The following NUDT14 variants were observed in gnomAD, a reference collection of about 807,000 sequenced individuals.
NUDT14 encodes the protein uridine diphosphate glucose pyrophosphatase NUDT14.
A neutral mutation model predicts 17.5 loss-of-function variants in NUDT14; 22 were observed. That is an observed-to-expected ratio of 1.26 (90% CI 0.90 to 1.80). The LOEUF (loss-of-function observed/expected upper bound fraction) is 1.80. Ranked by LOEUF, NUDT14 falls within the 40% of genes most tolerant of loss-of-function variation. NUDT14 has a pLI of 0.00. For missense variants in NUDT14, 296 were observed against 295.6 expected (o/e 1.00, Z -0.01); for synonymous variants, 129 against 125.8 (o/e 1.03, Z -0.17).
chr14:105,173,392 G>T lies in NUDT14; in HGVS notation c.429-131C>A. ...CCTCCAGTAGGCAGGACTCTGGGAT[G>T]CCCTCTCCCACCCGGATTCCCACCT... is the stretch of plus-strand genomic sequence containing the variant. On this transcript the variant is annotated intron_variant, in intron 4 of 4. Transcript: ENST00000392568. The surrounding 1 kb of genome is among the most constrained non-coding windows in gnomAD (Gnocchi z 4.7). 1 of 1,079,260 alleles carries T rather than the reference G, an allele frequency of 9.3e-7. No homozygotes were observed. Among genetic ancestry groups the T allele is most frequent in the East Asian group, 3.2e-5 (1 of 31,686 alleles). 66.9% of individuals were successfully genotyped at this position (1,079,260 alleles called of 1,614,324 possible).
chr14:105,174,060 C>A lies in NUDT14; in HGVS notation c.429-799G>T, dbSNP rs751185690. On this transcript the variant is annotated intron_variant, in intron 4 of 4. Coordinates refer to ENST00000392568, the MANE Select transcript of NUDT14 (RefSeq NM_177533.5). ...GAACAGCATGCACTGACCGCCCCCC[C>A]ACCCCCCGTAGCATGGCAGAGTGGG... Among the ~76,000 whole-genome samples the A allele has an allele frequency of 6.6e-5, 10 of 152,172 alleles. No homozygotes were observed. In the South Asian group the frequency reaches 8.3e-4, roughly 13 times the overall value.
chr14:105,178,383 G>A (rs981168456), intron 1 of NUDT14, among the ~76,000 whole-genome samples: 40 of 152,046 alleles, frequency 2.6e-4, no homozygotes, highest in African/African-American at 9.2e-4. Flanking sequence ...TTCTGGCCTC[G>A]ACTCTCCCAC....
chr14:105,181,276 G>T lies in NUDT14; in HGVS notation c.-67C>A, dbSNP rs962636547. 26 of 635,420 alleles carry T rather than the reference G, an allele frequency of 4.1e-5. No homozygotes were observed. The Admixed American group carries it at 1.3e-3, about 32-fold the overall frequency. The allele number at this position is 635,420 out of a possible 1,614,324, so 39.4% of individuals were successfully genotyped here. ...CCGACACGGGGCGGCGCCCTGTCCC[G>T]ACAGGAGCCTTCGGGCGGGCGCGTG... On this transcript the variant is annotated 5_prime_UTR_variant, in exon 1 of 5. Transcript: ENST00000392568. The surrounding 1 kb of genome is among the most constrained non-coding windows in gnomAD (Gnocchi z 5.0).
At chr14:105,177,441 C>T in intron 2 of NUDT14, 1 of 563,744 alleles carries the variant, frequency 1.8e-6, no homozygotes, top group Non-Finnish European at 3.2e-6. Flanking sequence ...GACAGCCTCT[C>T]CCTGCCCTGA....
chr14:105,181,216 G>A lies in NUDT14; in HGVS notation c.-7C>T. 3.6e-6 allele frequency: 4 copies of A among 1,126,606 alleles called. No homozygotes were observed. Among genetic ancestry groups the A allele is most frequent in the South Asian group, 2.9e-5 (1 of 34,110 alleles). The allele number at this position is 1,126,606 out of a possible 1,614,324, so 69.8% of individuals were successfully genotyped here. On this transcript the variant is annotated 5_prime_UTR_variant, in exon 1 of 5. Transcript: ENST00000392568. This position sits in a 1 kb window ranked among gnomAD's most constrained non-coding sequence, Gnocchi z 5.0. The stretch of plus-strand genomic sequence containing the variant: ...CCCCCTCGATGCGCTCCATGGCGGC[G>A]CCCGGACAGGCGGGGGCCGCGAGCT...
intron 2 of NUDT14, 144 bp downstream of exon 2, chr14:105,177,548 G>C: frequency 1.3e-6 from 1 of 750,756 alleles, no homozygotes; most frequent in South Asian, 1.7e-5. Flanking sequence ...GAAACCCAGA[G>C]GCCGGGCAGA....
rs1889315822 is a variant in NUDT14, at chr14:105,181,043, C to T, written c.81+86G>A. On this transcript the variant is annotated intron_variant, in intron 1 of 4. Coordinates refer to ENST00000392568, the MANE Select transcript of NUDT14 (RefSeq NM_177533.5). The surrounding 1 kb of genome is among the most constrained non-coding windows in gnomAD (Gnocchi z 5.0). ...CGGGGGCGGGGCTCCGGGGCGGGGC[C>T]GGCAGCGCGGAAGATGGTGGGCGGG... is the stretch of plus-strand genomic sequence containing the variant. The T allele has an allele frequency of 2.8e-6, 1 of 359,248 alleles. No individual in the cohort carries two copies. Among genetic ancestry groups the T allele is most frequent in the African/African-American group, 2.2e-5 (1 of 44,894 alleles). 22.3% of individuals were successfully genotyped at this position (359,248 alleles called of 1,614,324 possible). A position where few individuals can be genotyped will look rare whatever the true frequency, so the allele number is the denominator to read the frequency against.
chr14:105,176,036 A>G, intron 4 of NUDT14: 1 of 1,215,100 alleles, frequency 8.2e-7, no homozygotes, highest in Admixed American at 3.0e-5. Context: ...TGGGAAGGCA[A>G]CCCCACCCCA....
chr14:105,180,979 G>A (rs1889312974), intron 1 of NUDT14, 150 bp downstream of exon 1: 1 of 203,148 alleles, frequency 4.9e-6, no homozygotes, highest in African/African-American at 2.3e-5. Flanking sequence ...CCGCGATCCG[G>A]CGGGCGGACA....
intron 4 of NUDT14, chr14:105,175,692 G>A (rs1021503671): frequency 2.0e-6 from 2 of 997,522 alleles, no homozygotes; most frequent in African/African-American, 3.5e-5. Flanking sequence ...GAGCCACCGT[G>A]CCTGGCCCAG....
intron 1 of NUDT14, among the ~76,000 whole-genome samples, chr14:105,178,275 T>G (rs1227861004): frequency 2.6e-5 from 4 of 151,668 alleles, no homozygotes; most frequent in Non-Finnish European, 5.9e-5. Flanking sequence ...TGAGGAAGGG[T>G]GGCGCCCCAG....
chr14:105,172,963 G>T lies in NUDT14; in HGVS notation c.*58C>A. The stretch of plus-strand genomic sequence containing the variant: ...CTGGAGCTATGCAAGCCTTTATTGG[G>T]GTCCGCGGGGTGTGGGGTGAGTGGC... On this transcript the variant is annotated 3_prime_UTR_variant, in exon 5 of 5. Coordinates refer to ENST00000392568, the MANE Select transcript of NUDT14 (RefSeq NM_177533.5). 2.8e-6 allele frequency: 4 copies of T among 1,442,952 alleles called. No homozygotes were observed. The highest frequency in any genetic ancestry group is 3.6e-6 in the Non-Finnish European group (4 of 1,096,678). 89.4% of individuals were successfully genotyped at this position (1,442,952 alleles called of 1,614,324 possible). A position where few individuals can be genotyped will look rare whatever the true frequency, so the allele number is the denominator to read the frequency against.
Position 105,176,761 on chromosome 14 carries a change from C to G in NUDT14, c.201G>C (p.Ala67=), listed in dbSNP as rs774451913. The G allele has an allele frequency of 1.9e-6, 3 of 1,612,308 alleles. No homozygotes were observed. The highest frequency in any genetic ancestry group is 2.2e-5 in the East Asian group (1 of 44,878). The change falls in exon 4 of 5, where the codon GCG becomes GCC. Residue 67 remains alanine (A), a synonymous_variant. Coordinates refer to ENST00000392568, the MANE Select transcript of NUDT14 (RefSeq NM_177533.5). ...LVKQFRPAVY[A]GEVERRFPGS... is the part of the protein sequence containing the mutation. ...CTGGGAAGCGGCGCTCCACCTCACC[C>G]GCATACACAGCTGCGTGGGAAGAAG...
chr14:105,176,776 G>C lies in NUDT14; in HGVS notation c.191-5C>G. Reference sequence around the variant, plus strand: ...CCACCTCACCCGCATACACAGCTGCGTGGGAAGAAGCCAGACTGTGCTCAC... The same window carrying C: ...CCACCTCACCCGCATACACAGCTGCCTGGGAAGAAGCCAGACTGTGCTCAC... On this transcript the variant is annotated splice_polypyrimidine_tract_variant and splice_region_variant and intron_variant, in intron 3 of 4. Coordinates refer to ENST00000392568, the MANE Select transcript of NUDT14 (RefSeq NM_177533.5). 6.2e-7 allele frequency: 1 copy of C among 1,611,058 alleles called. No homozygotes were observed. Among genetic ancestry groups the C allele is most frequent in the African/African-American group, 1.3e-5 (1 of 75,036 alleles).
chr14:105,177,761 A>G (rs1484538250), intron 1 of NUDT14, 26 bp from the exon 2 acceptor site: 13 of 1,610,592 alleles, frequency 8.1e-6, no homozygotes, highest in Non-Finnish European at 1.0e-5. Context: ...CAGCGGTTAG[A>G]ATGTCCCAGG....
At chr14:105,178,242 G>A (rs1889258313) in intron 1 of NUDT14, among the ~76,000 whole-genome samples, 1 of 152,052 alleles carries the variant, frequency 6.6e-6, no homozygotes. Flanking sequence ...AGGGTGGCAG[G>A]AGGGGCTGGC....
At chr14:105,179,691 C>T (rs1889287497) in intron 1 of NUDT14, among the ~76,000 whole-genome samples, 2 of 152,242 alleles carry the variant, frequency 1.3e-5, no homozygotes, top group Non-Finnish European at 2.9e-5. Flanking sequence ...GGCAGTGACC[C>T]CATGTCTCCA....
At chr14:105,177,857 C>T (rs1452440261) in intron 1 of NUDT14, 122 bp from the exon 2 acceptor site, 2 of 858,576 alleles carry the variant, frequency 2.3e-6, no homozygotes. Flanking sequence ...TGGCCTGGGC[C>T]CACGGGAGCC....
chr14:105,178,713 G>A (rs1360817131), intron 1 of NUDT14, among the ~76,000 whole-genome samples: 3 of 152,240 alleles, frequency 2.0e-5, no homozygotes, highest in Non-Finnish European at 4.4e-5. Flanking sequence ...TGGACAAGAG[G>A]TCTGAGCAGC....
Sources: gnomAD v4.1 joint callset for allele counts (sites outside exome capture counted in the v4.1 genomes callset) on GRCh38, gnomAD v4.1.1 for gene constraint, Gnocchi (gnomAD v3.1) non-coding constraint, MANE v1.5 for transcripts, NCBI Gene and HGNC (gene_info 2026-07-23, HGNC 2026-07-21) for gene names.